The following EDDM13 variants were observed in gnomAD, a reference collection of about 807,000 sequenced individuals.
EDDM13 encodes epididymal protein 13.
A neutral mutation model predicts 17.8 loss-of-function variants in EDDM13; 24 were observed. That is an observed-to-expected ratio of 1.35 (90% CI 0.98 to 1.90). EDDM13 has a LOEUF of 1.90. EDDM13 is among the 40% of genes most tolerant of loss of function. The pLI is 0.00. For synonymous variants in EDDM13, 31 were observed against 37.5 expected (o/e 0.83, Z 0.63); for missense variants, 97 against 100.8 (o/e 0.96, Z 0.16).
intron 7 of EDDM13, among the ~76,000 whole-genome samples, 148 bp downstream of exon 7, chr19:56,288,586 C>G (rs1482080584): frequency 6.6e-6 from 1 of 152,190 alleles, no homozygotes; most frequent in African/African-American, 2.4e-5. Flanking sequence ...TGGGTCTGGC[C>G]TGCCTTGCTT....
chr19:56,307,275 A>C (rs2040750670), intron 14 of EDDM13, among the ~76,000 whole-genome samples: 1 of 152,180 alleles, frequency 6.6e-6, no homozygotes, highest in Non-Finnish European at 1.5e-5. Flanking sequence ...TTTACATTAA[A>C]AAATGTCAAC....
intron 13 of EDDM13, among the ~76,000 whole-genome samples, chr19:56,303,611 C>T (rs1309138842): frequency 2.6e-5 from 4 of 152,008 alleles, no homozygotes; most frequent in African/African-American, 9.7e-5. Context: ...TTCAAATATT[C>T]ACGTGTGTAG....
At position 56,284,222 on chromosome 19, in the gene EDDM13, C is replaced by G; in HGVS notation, c.127+16C>G. 4 of 978,498 alleles carry G rather than the reference C, an allele frequency of 4.1e-6. No individual in the cohort carries two copies. The highest frequency in any genetic ancestry group is 3.6e-6 in the Non-Finnish European group (3 of 823,688). 60.6% of individuals were successfully genotyped at this position (978,498 alleles called of 1,614,324 possible). On this transcript the variant is annotated intron_variant, in intron 5 of 14. Transcript: ENST00000649256. ...GGGATCATAGGTAAGTACCTTGCCACTTCACAATGCCCCCAGACTGTGCAC... is the reference window on the plus strand; with the variant it reads ...GGGATCATAGGTAAGTACCTTGCCAGTTCACAATGCCCCCAGACTGTGCAC...
Position 56,297,504 on chromosome 19 carries a change from G to A in EDDM13, c.269-1G>A. On this transcript the variant is annotated splice_acceptor_variant, in intron 11 of 14. Transcript: ENST00000649256. LOFTEE classifies it high-confidence loss of function. ...TTTCTCCTCCATCTCTTCATTTTTA[G>A]AAGAAACAAGTGGCTGCAAGGAGGA... 4 of 978,488 alleles carry A rather than the reference G, an allele frequency of 4.1e-6. No homozygotes were observed. The highest frequency in any genetic ancestry group is 4.8e-6 in the Non-Finnish European group (4 of 828,812). 60.6% of individuals were successfully genotyped at this position (978,488 alleles called of 1,614,324 possible).
intron 2 of EDDM13, among the ~76,000 whole-genome samples, chr19:56,277,299 A>G (rs2038337223): frequency 6.6e-6 from 1 of 152,234 alleles, no homozygotes; most frequent in Non-Finnish European, 1.5e-5. Context: ...GCATCCATTA[A>G]TGAATGGAGA....
At chr19:56,302,555 C>CCTCCTCCCTTCCTTTTCTT (rs2040362103) in intron 13 of EDDM13, among the ~76,000 whole-genome samples, 1 of 95,632 alleles carries the variant, frequency 1.0e-5, no homozygotes, top group Non-Finnish European at 2.1e-5. Context: ...GTTCCTCCCT[C>CCTCCTCCCTTCCTTTTCTT]CCTCCCCCCT....
intron 9 of EDDM13, among the ~76,000 whole-genome samples, chr19:56,294,628 C>T (rs1342093804): frequency 2.0e-5 from 3 of 152,162 alleles, no homozygotes; most frequent in Non-Finnish European, 4.4e-5. Flanking sequence ...AGTGAATGGG[C>T]ATGGCTGTGT....
chr19:56,295,232 G>A (rs1453433746), intron 9 of EDDM13: 2 of 152,118 alleles, frequency 1.3e-5, no homozygotes, highest in Non-Finnish European at 2.9e-5. Flanking sequence ...AAACAACAAC[G>A]GGTGGTGGGA....
At chr19:56,305,875 G>C (rs140775620) in intron 14 of EDDM13, among the ~76,000 whole-genome samples, 2,397 of 152,136 alleles carry the variant, frequency 0.016, 25 homozygotes, top group Non-Finnish European at 0.024. Context: ...CAGAAAACAA[G>C]TGAAAGAGCC....
intron 2 of EDDM13, among the ~76,000 whole-genome samples, chr19:56,279,944 T>G (rs1161381143): frequency 6.6e-6 from 1 of 152,180 alleles, no homozygotes; most frequent in African/African-American, 2.4e-5. Flanking sequence ...TTATTCAATT[T>G]AAAACATCAT....
intron 7 of EDDM13, among the ~76,000 whole-genome samples, 126 bp downstream of exon 7, chr19:56,288,564 T>A (rs2039296533): frequency 6.6e-6 from 1 of 152,190 alleles, no homozygotes; most frequent in African/African-American, 2.4e-5. Flanking sequence ...GTCTGTGAGC[T>A]CCCTGAGCAG....
At chr19:56,308,010 C>T (rs975840376) in intron 14 of EDDM13, among the ~76,000 whole-genome samples, 9 of 152,214 alleles carry the variant, frequency 5.9e-5, no homozygotes, top group Admixed American at 5.9e-4. Context: ...CTTGATCCCC[C>T]CACCCACATT....
intron 13 of EDDM13, among the ~76,000 whole-genome samples, chr19:56,302,563 C>CTTTT (rs150005575): frequency 1.1e-5 from 1 of 92,870 alleles, no homozygotes; most frequent in East Asian, 3.6e-4. Context: ...CTCCCTCCCC[C>CTTTT]CTTCCTTTTC....
chr19:56,293,679 A>G (rs1408123354), intron 9 of EDDM13, among the ~76,000 whole-genome samples: 1 of 152,216 alleles, frequency 6.6e-6, no homozygotes, highest in Non-Finnish European at 1.5e-5. Context: ...TGCACTTGGC[A>G]GGATGATTCC....
chr19:56,309,644 T>G (rs35366276), intron 14 of EDDM13, among the ~76,000 whole-genome samples: 14,392 of 152,186 alleles, frequency 0.095, 738 homozygotes, highest in Middle Eastern at 0.13. Flanking sequence ...ACCTTAAGGT[T>G]CTCTTCCTGC....
At chr19:56,288,537 C>A (rs2039293598) in intron 7 of EDDM13, among the ~76,000 whole-genome samples, 99 bp downstream of exon 7, 1 of 152,212 alleles carries the variant, frequency 6.6e-6, no homozygotes, top group South Asian at 2.1e-4. Flanking sequence ...CTTTTGCTGT[C>A]TGCTTCTCTC....
intron 11 of EDDM13, 68 bp from the exon 12 acceptor site, chr19:56,297,437 C>A (rs1269147396): frequency 8.3e-6 from 5 of 600,786 alleles, no homozygotes; most frequent in Non-Finnish European, 1.0e-5. Flanking sequence ...CTCTCTCCCT[C>A]CCTTTCTTCC....
At chr19:56,292,023 G>A (rs1463456481) in intron 9 of EDDM13, among the ~76,000 whole-genome samples, 1 of 152,176 alleles carries the variant, frequency 6.6e-6, no homozygotes, top group African/African-American at 2.4e-5. Context: ...ATAAAGGTTA[G>A]GTAACTAGAT....
intron 8 of EDDM13, among the ~76,000 whole-genome samples, chr19:56,289,837 C>T (rs1016600358): frequency 2.0e-5 from 3 of 152,126 alleles, no homozygotes; most frequent in Non-Finnish European, 4.4e-5. Context: ...TGATCTTGAA[C>T]TCTTGGGCTC....
Sources: allele counts gnomAD v4.1 joint callset (sites outside exome capture counted in the v4.1 genomes callset), GRCh38; gene constraint gnomAD v4.1.1; transcripts MANE v1.5; gene names NCBI Gene and HGNC (gene_info 2026-07-23, HGNC 2026-07-21).